GPR149: variants seen among roughly 807,000 people sequenced by gnomAD.
The protein encoded by GPR149 is probable G protein-coupled receptor 149.
GPR149 carries 50 observed loss-of-function variants against 50.2 expected under a neutral mutation model. That is an observed-to-expected ratio of 1.00 (90% CI 0.79 to 1.26). The LOEUF (loss-of-function observed/expected upper bound fraction) is 1.26. Among genes scored for constraint, GPR149 ranks in the 50% most tolerant of loss-of-function variants. The pLI is 0.00. For synonymous variants in GPR149, 405 were observed against 358.2 expected (o/e 1.13, Z -1.48); for missense variants, 983 against 895.4 (o/e 1.10, Z -1.25).
intron 3 of GPR149, among the ~76,000 whole-genome samples, chr3:154,373,820 A>G (rs1436141061): frequency 6.6e-6 from 1 of 152,218 alleles, no homozygotes; most frequent in East Asian, 1.9e-4. Flanking sequence ...GATTTTAGGT[A>G]AAGCTAACCT....
At chr3:154,371,781 G>T (rs1714671801) in intron 3 of GPR149, among the ~76,000 whole-genome samples, 1 of 152,122 alleles carries the variant, frequency 6.6e-6, no homozygotes, top group East Asian at 1.9e-4. Flanking sequence ...GAACACTCAG[G>T]GCGCTTGAAT....
At chr3:154,407,200 T>C (rs2108421425) in intron 3 of GPR149, among the ~76,000 whole-genome samples, 1 of 152,234 alleles carries the variant, frequency 6.6e-6, no homozygotes, top group East Asian at 1.9e-4. Context: ...CCACATCATG[T>C]TTTATATAGT....
chr3:154,390,754 A>ACATAATTGTGAATTT (rs1715149555), intron 3 of GPR149, among the ~76,000 whole-genome samples: 2 of 152,286 alleles, frequency 1.3e-5, no homozygotes, highest in South Asian at 4.1e-4. Flanking sequence ...AAAGAAATTC[A>ACATAATTGTGAATTT]CAGTGAGACA....
chr3:154,411,023 A>C (rs1215793924), intron 3 of GPR149, among the ~76,000 whole-genome samples: 1 of 152,164 alleles, frequency 6.6e-6, no homozygotes, highest in Non-Finnish European at 1.5e-5. Context: ...AAAATTGGAA[A>C]TCAACTCCAA....
chr3:154,363,303 A>G (rs1391865812), intron 3 of GPR149, among the ~76,000 whole-genome samples: 2 of 152,090 alleles, frequency 1.3e-5, no homozygotes. Flanking sequence ...TTTTGCTGCT[A>G]TAACAAAATA....
chr3:154,405,120 G>A (rs901533991), intron 3 of GPR149, among the ~76,000 whole-genome samples: 1 of 152,124 alleles, frequency 6.6e-6, no homozygotes, highest in Admixed American at 6.5e-5. Context: ...CAGATGATAT[G>A]ATATTATACT....
intron 3 of GPR149, among the ~76,000 whole-genome samples, chr3:154,393,818 C>T (rs1415955828): frequency 2.0e-5 from 3 of 151,666 alleles, no homozygotes; most frequent in African/African-American, 7.3e-5. Flanking sequence ...ATCCTGTTTA[C>T]AATAGCATCA....
chr3:154,354,006 G>A (rs534634190), intron 3 of GPR149: 17 of 460,140 alleles, frequency 3.7e-5, no homozygotes, highest in South Asian at 3.1e-4. Flanking sequence ...GATGATACTT[G>A]CTTTGATTTT....
At chr3:154,363,876 T>A (rs1455497438) in intron 3 of GPR149, among the ~76,000 whole-genome samples, 1 of 152,210 alleles carries the variant, frequency 6.6e-6, no homozygotes, top group East Asian at 1.9e-4. Flanking sequence ...CTGACAGCTT[T>A]CTTTCTGTGG....
chr3:154,383,508 T>TA (rs1297768475), intron 3 of GPR149, among the ~76,000 whole-genome samples: 3 of 151,870 alleles, frequency 2.0e-5, no homozygotes, highest in Admixed American at 6.6e-5. Context: ...TCGAAGTAGT[T>TA]AAAAAAAATG....
intron 1 of GPR149, 81 bp from the exon 2 acceptor site, chr3:154,427,789 C>T: frequency 7.7e-7 from 1 of 1,304,058 alleles, no homozygotes; most frequent in Non-Finnish European, 1.1e-6. Flanking sequence ...CACGCTGCCT[C>T]AGTTCCCTTT....
intron 3 of GPR149, among the ~76,000 whole-genome samples, chr3:154,360,299 G>T (rs1714348722): frequency 6.6e-6 from 1 of 152,082 alleles, no homozygotes; most frequent in South Asian, 2.1e-4. Flanking sequence ...TTTTCACCAT[G>T]GTAACATTTT....
chr3:154,385,651 AT>A (rs1330025878), intron 3 of GPR149, among the ~76,000 whole-genome samples: 1 of 151,552 alleles, frequency 6.6e-6, no homozygotes. Context: ...ACAGTCACAC[AT>A]CCAAAGATCT....
At chr3:154,386,095 TA>T (rs1677949932) in intron 3 of GPR149, among the ~76,000 whole-genome samples, 1 of 152,230 alleles carries the variant, frequency 6.6e-6, no homozygotes, top group African/African-American at 2.4e-5. Flanking sequence ...ATTTAATGAA[TA>T]AAAATATCTA....
At chr3:154,397,579 G>C (rs1011255234) in intron 3 of GPR149, among the ~76,000 whole-genome samples, 2 of 151,670 alleles carry the variant, frequency 1.3e-5, no homozygotes, top group African/African-American at 4.8e-5. Flanking sequence ...TCATGTTCTT[G>C]AGATTATTTC....
chr3:154,340,322 G>A (rs1713761777), intron 3 of GPR149, among the ~76,000 whole-genome samples: 1 of 152,168 alleles, frequency 6.6e-6, no homozygotes, highest in African/African-American at 2.4e-5. Flanking sequence ...GAACTTCATT[G>A]ACTCTACATG....
chr3:154,344,781 A>G (rs186237829), intron 3 of GPR149, among the ~76,000 whole-genome samples: 223 of 152,320 alleles, frequency 1.5e-3, no homozygotes, highest in African/African-American at 5.1e-3. Context: ...AAGAGCTTAT[A>G]GAGGGAGCAT....
At chr3:154,417,357 G>A (rs1273377083) in intron 3 of GPR149, among the ~76,000 whole-genome samples, 1 of 151,826 alleles carries the variant, frequency 6.6e-6, no homozygotes, top group African/African-American at 2.4e-5. Context: ...ATCTACTGAA[G>A]CCATTGTATT....
chr3:154,402,524 A>G lies in GPR149; in HGVS notation c.1623+18515T>C, dbSNP rs10935986. 4.3e-3 allele frequency among the ~76,000 whole-genome samples: 111 copies of G among 25,522 alleles called. No individual in the cohort carries two copies. In the Middle Eastern group the frequency reaches 0.17, roughly 38 times the overall value. 16.7% of individuals were successfully genotyped at this position (25,522 alleles called of 152,430 possible). A position where few individuals can be genotyped will look rare whatever the true frequency, so the allele number is the denominator to read the frequency against. ...AATTCCTAGAAAGTTTCAAAGATCC[A>G]TGAAAGTTTCAAAGATCCATGAAAG... On this transcript the variant is annotated intron_variant, in intron 3 of 3. Transcript: ENST00000389740.
Sources: allele counts gnomAD v4.1 joint callset (sites outside exome capture counted in the v4.1 genomes callset), GRCh38; gene constraint gnomAD v4.1.1; transcripts MANE v1.5; gene names NCBI Gene and HGNC (gene_info 2026-07-23, HGNC 2026-07-21).